Variants in TECPR1 observed in about 807,000 individuals in gnomAD.
TECPR1 encodes the protein tectonin beta-propeller repeat-containing protein 1.
TECPR1 carries 122 observed loss-of-function variants against 162.4 expected under a neutral mutation model. That is an observed-to-expected ratio of 0.75 (90% CI 0.65 to 0.87). TECPR1 has a LOEUF of 0.87. TECPR1 is among the 40% of genes least tolerant of loss of function. The pLI is 0.00. For synonymous variants in TECPR1, 642 were observed against 670.6 expected, an observed-to-expected ratio of 0.96 and a Z score of 0.66; for missense variants, 1,432 against 1,618.2, an observed-to-expected ratio of 0.88 and a Z score of 1.97.
chr7:98,228,180 C>A, intron 16 of TECPR1, 64 bp from the exon 17 acceptor site: 1 of 1,284,448 alleles, frequency 7.8e-7, no homozygotes, highest in East Asian at 2.5e-5. Context: ...TCTGGCTTTC[C>A]GTCTGAAGCA....
In TECPR1 at chr7:98,217,045, C is replaced by T. The variant is rs563225132; in HGVS notation, c.*345G>A. 61 of 223,196 alleles carry T rather than the reference C, an allele frequency of 2.7e-4. No individual in the cohort carries two copies. Among genetic ancestry groups the T allele is most frequent in the Admixed American group, 2.4e-3 (48 of 19,642 alleles). The allele number at this position is 223,196 out of a possible 1,614,324, so 13.8% of individuals were successfully genotyped here. A position where few individuals can be genotyped will look rare whatever the true frequency, so the allele number is the denominator to read the frequency against. ...CATCCTGGCTCTGCTGCCCCAGGGC[C>T]GGCGTTCCCGGAGGGCTCCAGGTTC... On this transcript the variant is annotated 3_prime_UTR_variant, in exon 26 of 26. Transcript: ENST00000447648.
Position 98,238,489 on chromosome 7 carries a change from C to T in TECPR1, c.1035+20G>A, listed in dbSNP as rs181260237. On this transcript the variant is annotated intron_variant, in intron 9 of 25. Coordinates refer to ENST00000447648, the MANE Select transcript of TECPR1 (RefSeq NM_015395.3). Reference sequence around the variant, plus strand: ...TTCTGAGACCCCTGCTGTTTAGGGGCTGCAGACCCACGTGCACACCTGGTC... The same window carrying T: ...TTCTGAGACCCCTGCTGTTTAGGGGTTGCAGACCCACGTGCACACCTGGTC... 28 of 1,550,102 alleles carry T rather than the reference C, an allele frequency of 1.8e-5. No individual in the cohort carries two copies. In the East Asian group the frequency reaches 6.8e-4, roughly 38 times the overall value.
rs1479600944 is a variant in TECPR1, at chr7:98,241,986, C to G, written c.658-742G>C. On this transcript the variant is annotated intron_variant, in intron 6 of 25. Coordinates refer to ENST00000447648, the MANE Select transcript of TECPR1 (RefSeq NM_015395.3). The surrounding 1 kb of genome is among the most constrained non-coding windows in gnomAD (Gnocchi z 5.0). The stretch of plus-strand genomic sequence containing the variant: ...CCGACATTCCAGGACACAAACGCTG[C>G]TCTGCAGCCCCTGTTCTCCCCTCTC... 6.6e-6 allele frequency among the ~76,000 whole-genome samples: 1 copy of G among 152,206 alleles called. No individual in the cohort carries two copies. Among genetic ancestry groups the G allele is most frequent in the African/African-American group, 2.4e-5 (1 of 41,448 alleles).
At position 98,228,113 on chromosome 7, in the gene TECPR1, A is replaced by G; in HGVS notation, c.2414T>C (p.Leu805Pro). The G allele has an allele frequency of 6.2e-7, 1 of 1,609,232 alleles. No homozygotes were observed. Among genetic ancestry groups the G allele is most frequent in the Non-Finnish European group, 8.5e-7 (1 of 1,178,142 alleles). The change falls in exon 17 of 26, where the codon CTG becomes CCG. Residue 805 changes from leucine to proline, a missense_variant. Physicochemically the swap from Leu to Pro is moderately conservative, Grantham distance 98. Coordinates refer to ENST00000447648, the MANE Select transcript of TECPR1 (RefSeq NM_015395.3). ...GGYGGGCFQG[L>P]ASSTSNIYTQ... ...GTAGATGTTACTGGTGCTGCTGGCC[A>G]GGCCTGTGGGGAGAGGTGGCTGCTG...
At position 98,214,646 on chromosome 7, in the gene TECPR1, T is replaced by G. The variant is rs760258992; in HGVS notation, c.*2744A>C. The G allele has an allele frequency of 7.9e-5, 12 of 152,246 alleles. No homozygotes were observed. The highest frequency in any genetic ancestry group is 1.2e-4 in the Non-Finnish European group (8 of 68,062). The allele number at this position is 152,246 out of a possible 1,614,324, so 9.4% of individuals were successfully genotyped here. A position where few individuals can be genotyped will look rare whatever the true frequency, so the allele number is the denominator to read the frequency against. On this transcript the variant is annotated 3_prime_UTR_variant, in exon 26 of 26. Transcript: ENST00000447648. ...GCCATGGCCAGAGCAGGGCTCAGTCTGCCCCTGAACTTGCTGAATGGACCG... is the reference window on the plus strand; with the variant it reads ...GCCATGGCCAGAGCAGGGCTCAGTCGGCCCCTGAACTTGCTGAATGGACCG...
chr7:98,237,898 G>C (rs996158833), intron 9 of TECPR1, among the ~76,000 whole-genome samples: 2 of 151,994 alleles, frequency 1.3e-5, no homozygotes, highest in African/African-American at 4.8e-5. Context: ...TTGGCCTCCT[G>C]AGTAGATGGG....
chr7:98,223,254 G>C (rs1030061920), intron 20 of TECPR1, 84 bp from the exon 21 acceptor site: 4 of 1,392,198 alleles, frequency 2.9e-6, no homozygotes, highest in Non-Finnish European at 3.9e-6. Flanking sequence ...GCCAGGAGGA[G>C]GAAAGCAGCC....
At chr7:98,242,337 C>A (rs906502471) in intron 6 of TECPR1, among the ~76,000 whole-genome samples, 2 of 152,112 alleles carry the variant, frequency 1.3e-5, no homozygotes, top group Non-Finnish European at 1.5e-5. Flanking sequence ...GGGGCTGCTT[C>A]GATTCCTCTG....
At chr7:98,242,157 A>G (rs1171083724) in intron 6 of TECPR1, among the ~76,000 whole-genome samples, 1 of 152,210 alleles carries the variant, frequency 6.6e-6, no homozygotes, top group Non-Finnish European at 1.5e-5. Flanking sequence ...ACGTGGCCGC[A>G]GAGGGGGGCT....
At chr7:98,217,869 G>C in intron 24 of TECPR1, 58 bp from the exon 25 acceptor site, 2 of 1,541,348 alleles carry the variant, frequency 1.3e-6, no homozygotes, top group Non-Finnish European at 1.8e-6. Context: ...GGCTGGGCAT[G>C]GGATGGGGGA....
intron 9 of TECPR1, among the ~76,000 whole-genome samples, chr7:98,237,324 T>G (rs1287628577): frequency 6.6e-6 from 1 of 152,094 alleles, no homozygotes; most frequent in African/African-American, 2.4e-5. Context: ...GACAGAGTCT[T>G]GCTCTGTCAC....
intron 4 of TECPR1, 46 bp from the exon 5 acceptor site, chr7:98,244,739 T>G (rs748566263): frequency 1.5e-5 from 24 of 1,589,326 alleles, no homozygotes; most frequent in Non-Finnish European, 1.9e-5. Flanking sequence ...GGGAAGGCAT[T>G]TGAAGAGCTG....
chr7:98,235,841 A>C (rs78761769), intron 10 of TECPR1, among the ~76,000 whole-genome samples: 63,371 of 123,142 alleles, frequency 0.51, 18,995 homozygotes, highest in East Asian at 0.77. Context: ...AAAAAAAAAA[A>C]AAAAAAAAAA....
In TECPR1 at chr7:98,245,965, C is replaced by G; in HGVS notation, c.182G>C (p.Ser61Thr). 2 of 1,606,864 alleles carry G rather than the reference C, an allele frequency of 1.2e-6. No homozygotes were observed. The change falls in exon 3 of 26, where the codon AGC (serine) becomes ACC (threonine). Residue 61 changes from serine to threonine, a missense_variant. Transcript: ENST00000447648. ...CTCTCGGCGGCGGATGGGGACATCG[C>G]TGGCACACACATACACGTAGACCTG... ...DNQVYVYVCA[S>T]DVPIRRREEA... is the part of the protein sequence containing the mutation.
Position 98,231,664 on chromosome 7 carries a change from TACCCTCATTTCTGTGTCCCTCCCTGGGC to T in TECPR1, c.1974+112_1974+139del, listed in dbSNP as rs1357738529. The T allele has an allele frequency of 4.5e-4, 337 of 745,232 alleles. 2 individuals are homozygous for T. The East Asian group carries it at 0.016, about 35-fold the overall frequency. 46.2% of individuals were successfully genotyped at this position (745,232 alleles called of 1,614,324 possible). On this transcript the variant is annotated intron_variant, in intron 13 of 25. Transcript: ENST00000447648. The stretch of plus-strand genomic sequence containing the variant: ...CCCATTTCTGTACCCCTCCCCTGGG[TACCCTCATTTCTGTGTCCCTCCCTGGGC>T]ACCCTCATTTCTGTACCCCTCCCCT...
Position 98,241,379 on chromosome 7 carries a change from C to T in TECPR1, c.658-135G>A. On this transcript the variant is annotated intron_variant, in intron 6 of 25. Transcript: ENST00000447648. This position sits in a 1 kb window ranked among gnomAD's most constrained non-coding sequence, Gnocchi z 5.0. The stretch of plus-strand genomic sequence containing the variant: ...TCTCACTCCCTGCCCCCTACCCCGG[C>T]CAAAAAACGCAAACCCTGGATTCCG... The T allele has an allele frequency of 9.6e-7, 1 of 1,039,322 alleles. No individual in the cohort carries two copies. Among genetic ancestry groups the T allele is most frequent in the East Asian group, 2.5e-5 (1 of 39,364 alleles). The allele number at this position is 1,039,322 out of a possible 1,614,324, so 64.4% of individuals were successfully genotyped here. A position where few individuals can be genotyped will look rare whatever the true frequency, so the allele number is the denominator to read the frequency against.
In TECPR1 at chr7:98,232,011, G is replaced by C. The variant is rs1798457074; in HGVS notation, c.1819-52C>G. On this transcript the variant is annotated intron_variant, in intron 12 of 25. Transcript: ENST00000447648. This position sits in a 1 kb window ranked among gnomAD's most constrained non-coding sequence, Gnocchi z 4.6. ...ATCACAGGCAGGCCCGGGGTGCCAG[G>C]GGAGGAGGGCGGGGCTGGGGGTGCC... 2 of 1,548,140 alleles carry C rather than the reference G, an allele frequency of 1.3e-6. No homozygotes were observed. The highest frequency in any genetic ancestry group is 1.7e-6 in the Non-Finnish European group (2 of 1,149,300).
rs527350868 is a variant in TECPR1 at position 98,248,386 on chromosome 7, G to C, written c.-19-2221C>G. ...TGACTTAAAAACCGGAGCAAAAGGA[G>C]ACAGGCAGAGTTTATTTAGGTGCCT... On this transcript the variant is annotated intron_variant, in intron 2 of 25. Coordinates refer to ENST00000447648, the MANE Select transcript of TECPR1 (RefSeq NM_015395.3). 1.5e-4 allele frequency among the ~76,000 whole-genome samples: 23 copies of C among 152,122 alleles called. No individual in the cohort carries two copies. The South Asian group carries it at 4.6e-3, about 30-fold the overall frequency.
At chr7:98,227,023 A>G (rs1410367802) in intron 17 of TECPR1, among the ~76,000 whole-genome samples, 3 of 152,198 alleles carry the variant, frequency 2.0e-5, no homozygotes, top group Admixed American at 1.3e-4. Context: ...AAAAAATTTA[A>G]AACTTTGAAT....
Sources: allele counts gnomAD v4.1 joint callset (sites outside exome capture counted in the v4.1 genomes callset), GRCh38; gene constraint gnomAD v4.1.1; non-coding constraint Gnocchi (gnomAD v3.1); transcripts MANE v1.5; gene names NCBI Gene and HGNC (gene_info 2026-07-23, HGNC 2026-07-21).